Variants in PASK observed in about 807,000 individuals in gnomAD.
PASK encodes the protein PAS domain-containing serine/threonine-protein kinase.
In PASK, 110 loss-of-function variants were observed where a neutral mutation model predicts 121.0. That is an observed-to-expected ratio of 0.91 (90% CI 0.78 to 1.06). PASK has a LOEUF of 1.06. Ranked by LOEUF, PASK falls within the 50% of genes least tolerant of loss-of-function variation. The probability of loss-of-function intolerance (pLI) is 0.00; values close to 1 mark genes in which losing one functional copy is unlikely to be tolerated. For synonymous variants in PASK, 686 were observed against 717.8 expected, an observed-to-expected ratio of 0.96 and a Z score of 0.71; for missense variants, 1,643 against 1,702.3, an observed-to-expected ratio of 0.97 and a Z score of 0.61.
At chr2:241,114,882 A>G (rs567873151) in intron 14 of PASK, 161 bp downstream of exon 14, 1 of 1,525,384 alleles carries the variant, frequency 6.6e-7, no homozygotes, top group African/African-American at 1.4e-5. Flanking sequence ...CAATCATAGA[A>G]TTTTCTTCTC....
chr2:241,139,683 G>T (rs1292567076), intron 4 of PASK: 3 of 709,216 alleles, frequency 4.2e-6, no homozygotes, highest in African/African-American at 1.7e-5. Flanking sequence ...TTCCTGCGAT[G>T]ATTCGTTCTT....
intron 8 of PASK, chr2:241,134,556 T>C (rs2066316533): frequency 6.6e-6 from 1 of 152,164 alleles, no homozygotes; most frequent in African/African-American, 2.4e-5. Context: ...TGACGGTAAA[T>C]GTTTATCTCA....
rs1042077044 is a variant in PASK, at chr2:241,131,851, C to T, written c.1463+1023G>A. Among the ~76,000 whole-genome samples the T allele has an allele frequency of 5.9e-5, 9 of 152,010 alleles. No homozygotes were observed. The South Asian group carries it at 6.3e-4, about 11-fold the overall frequency. ...CGGGTGGACCATGAGGTCAAGGGATCGAGACCAGTCTGGCCAACATAGTGA... is the reference window on the plus strand; with the variant it reads ...CGGGTGGACCATGAGGTCAAGGGATTGAGACCAGTCTGGCCAACATAGTGA... On this transcript the variant is annotated intron_variant, in intron 9 of 17. Transcript: ENST00000234040.
intron 14 of PASK, chr2:241,113,365 C>CATATACGTACCTGCATATTTAT (rs2065184225): frequency 1.4e-5 from 2 of 143,440 alleles, no homozygotes; most frequent in Non-Finnish European, 3.1e-5. Context: ...TATATACAAA[C>CATATACGTACCTGCATATTTAT]ATATACATAC....
At chr2:241,111,706 G>T (rs182617435) in intron 15 of PASK, among the ~76,000 whole-genome samples, 3 of 152,054 alleles carry the variant, frequency 2.0e-5, no homozygotes, top group African/African-American at 7.2e-5. Flanking sequence ...CAAGGACGCC[G>T]CTTCTCCCCA....
chr2:241,135,773 G>T, intron 8 of PASK, 98 bp downstream of exon 8: 2 of 1,184,346 alleles, frequency 1.7e-6, no homozygotes, highest in Non-Finnish European at 2.5e-6. Context: ...CCTCTGGAGG[G>T]ACAATAGCTC....
At chr2:241,133,308 A>G (rs1179191152) in intron 8 of PASK, 20 of 484,286 alleles carry the variant, frequency 4.1e-5, no homozygotes, top group Non-Finnish European at 7.3e-5. Flanking sequence ...AACAGCTCCC[A>G]TCTGACTCTG....
In PASK at chr2:241,112,526, C is replaced by CA; in HGVS notation, c.3334-88dup. 3 of 841,700 alleles carry CA rather than the reference C, an allele frequency of 3.6e-6. No homozygotes were observed. The highest frequency in any genetic ancestry group is 3.7e-6 in the Non-Finnish European group (2 of 535,610). 52.1% of individuals were successfully genotyped at this position (841,700 alleles called of 1,614,324 possible). ...AAATAAACTGGAACAAAAAAAAACA[C>CA]AAAGAAAAAATAAACCTCCGACTCA... On this transcript the variant is annotated intron_variant, in intron 14 of 17. Coordinates refer to ENST00000234040, the MANE Select transcript of PASK (RefSeq NM_015148.4). The surrounding 1 kb of genome is among the most constrained non-coding windows in gnomAD (Gnocchi z 5.2).
At chr2:241,143,793 C>A (rs549111689) in intron 1 of PASK, among the ~76,000 whole-genome samples, 2 of 152,204 alleles carry the variant, frequency 1.3e-5, no homozygotes, top group Non-Finnish European at 2.9e-5. Flanking sequence ...CCTGACCATC[C>A]GACCAGCTGT....
At chr2:241,149,961 G>C (rs546159148), upstream of PASK, 8 of 1,425,278 alleles carry the variant, frequency 5.6e-6, no homozygotes, top group African/African-American at 1.0e-4. Flanking sequence ...TTTCGCATGG[G>C]TAAAATCCGC....
chr2:241,130,619 C>T (rs910663039), intron 9 of PASK, among the ~76,000 whole-genome samples: 6 of 152,120 alleles, frequency 3.9e-5, no homozygotes, highest in South Asian at 2.1e-4. Flanking sequence ...TGAAAACTCA[C>T]GTGTTGAGCG....
chr2:241,113,924 G>A, intron 14 of PASK: 3 of 982,922 alleles, frequency 3.1e-6, no homozygotes, highest in African/African-American at 1.7e-5. Context: ...ATAAAATTGT[G>A]CATCTGTATT....
At position 241,127,144 on chromosome 2, in the gene PASK, C is replaced by T; in HGVS notation, c.1771G>A (p.Ala591Thr). The change falls in exon 10 of 18, where the codon GCC (alanine) becomes ACC (threonine). Residue 591 changes from alanine to threonine, a missense_variant. Around this residue, in one of 3 missense-constraint regions of PASK, gnomAD observed 1,176 missense variants for 1,162.2 expected, o/e 1.01. Transcript: ENST00000234040. ...PSGSDLWAGA[A>T]VAKPQAKGQL... ...CCCTTGGCCTGGGGCTTGGCCACGG[C>T]AGCCCCAGCCCAAAGGTCTGAACCG... is the stretch of plus-strand genomic sequence containing the variant. 1 of 1,613,952 alleles carries T rather than the reference C, an allele frequency of 6.2e-7. No individual in the cohort carries two copies. Among genetic ancestry groups the T allele is most frequent in the Non-Finnish European group, 8.5e-7 (1 of 1,179,944 alleles).
chr2:241,123,470 G>C (rs2065716382), intron 11 of PASK, among the ~76,000 whole-genome samples: 1 of 152,012 alleles, frequency 6.6e-6, no homozygotes, highest in African/African-American at 2.4e-5. Context: ...GAGCCACCAT[G>C]CCCGACCTAA....
chr2:241,149,390 C>T, intron 1 of PASK, 24 bp downstream of exon 1: 1 of 422,730 alleles, frequency 2.4e-6, no homozygotes, highest in Non-Finnish European at 4.3e-6. Flanking sequence ...GCCCGGCCCG[C>T]TCTCCCGAGC....
chr2:241,106,872 C>T, intron 17 of PASK, 149 bp from the exon 18 acceptor site: 1 of 794,948 alleles, frequency 1.3e-6, no homozygotes. Context: ...ACAGATCCTG[C>T]CAAGGTGGGG....
At chr2:241,149,042 C>T (rs1379206227) in intron 1 of PASK, among the ~76,000 whole-genome samples, 1 of 152,116 alleles carries the variant, frequency 6.6e-6, no homozygotes, top group Non-Finnish European at 1.5e-5. Context: ...TGGCGGGATC[C>T]GGGCTGGTTC....
At chr2:241,109,125 ATG>A (rs2065003902) in intron 15 of PASK, 4 of 153,214 alleles carry the variant, frequency 2.6e-5, no homozygotes, top group African/African-American at 7.3e-5. Flanking sequence ...ATCCTCATCC[ATG>A]CTACCATTTA....
intron 1 of PASK, among the ~76,000 whole-genome samples, 188 bp from the exon 2 acceptor site, chr2:241,143,262 G>T (rs1575344673): frequency 6.6e-6 from 1 of 152,220 alleles, no homozygotes; most frequent in East Asian, 1.9e-4. Context: ...CTCTTTCCGG[G>T]CCAGGCACGG....
Sources: gnomAD v4.1 joint callset for allele counts (sites outside exome capture counted in the v4.1 genomes callset) on GRCh38, gnomAD v4.1.1 for gene constraint, gnomAD v4.1.1 regional missense constraint, Gnocchi (gnomAD v3.1) non-coding constraint, MANE v1.5 for transcripts, NCBI Gene and HGNC (gene_info 2026-07-23, HGNC 2026-07-21) for gene names.